The following ARFGEF1 variants were observed in gnomAD, a reference collection of about 807,000 sequenced individuals.
ARFGEF1 encodes brefeldin A-inhibited guanine nucleotide-exchange protein 1.
In ARFGEF1, 42 loss-of-function variants were observed where a neutral mutation model predicts 231.0. The ratio of observed to expected loss-of-function variants is 0.18; its 90% CI spans 0.14 to 0.24. The LOEUF is 0.24. Among genes scored for constraint, ARFGEF1 ranks in the 10% least tolerant of loss-of-function variants. The pLI is 1.00. For missense variants in ARFGEF1, 1,345 were observed against 2,192.0 expected, an observed-to-expected ratio of 0.61 and a Z score of 7.72; for synonymous variants, 710 against 732.3, an observed-to-expected ratio of 0.97 and a Z score of 0.49.
chr8:67,301,121 G>A, intron 3 of ARFGEF1, 103 bp downstream of exon 3: 3 of 1,108,824 alleles, frequency 2.7e-6, no homozygotes, highest in East Asian at 5.2e-5. Flanking sequence ...ACAAAAAAGA[G>A]TATTCAAAGC....
At chr8:67,238,979 C>A in intron 20 of ARFGEF1, 86 bp from the exon 21 acceptor site, 4 of 987,122 alleles carry the variant, frequency 4.1e-6, no homozygotes, top group Non-Finnish European at 5.6e-6. Flanking sequence ...TTTACTTGTT[C>A]AGTAAGATTT....
chr8:67,340,017 C>CAA (rs148178244), intron 1 of ARFGEF1, among the ~76,000 whole-genome samples: 2 of 142,202 alleles, frequency 1.4e-5, no homozygotes, highest in East Asian at 4.1e-4. Flanking sequence ...TACTTTTTGA[C>CAA]AAAAAAAAAA....
At chr8:67,281,857 T>C (rs72654959) in intron 7 of ARFGEF1, among the ~76,000 whole-genome samples, 10,823 of 152,088 alleles carry the variant, frequency 0.071, 518 homozygotes, top group Non-Finnish European at 0.097. Context: ...AGAAATAATT[T>C]AACAAAAAAT....
intron 1 of ARFGEF1, among the ~76,000 whole-genome samples, chr8:67,311,273 T>A: frequency 9.4e-6 from 1 of 106,632 alleles, no homozygotes; most frequent in African/African-American, 3.6e-5. Flanking sequence ...AGCCGCCCCG[T>A]CCGGGAGGGA....
At chr8:67,274,237 T>C (rs1435985724) in intron 9 of ARFGEF1, among the ~76,000 whole-genome samples, 2 of 150,842 alleles carry the variant, frequency 1.3e-5, no homozygotes, top group African/African-American at 4.9e-5. Flanking sequence ...ATTTCCTGGA[T>C]CATCATTTTA....
intron 6 of ARFGEF1, among the ~76,000 whole-genome samples, chr8:67,291,368 T>C (rs1016596400): frequency 3.3e-5 from 5 of 151,934 alleles, no homozygotes; most frequent in Non-Finnish European, 5.9e-5. Context: ...AAAATGAAAA[T>C]TTCTATCAGT....
At chr8:67,190,551 T>C (rs1358528208) in intron 5 of ARFGEF1, 8 of 846,808 alleles carry the variant, frequency 9.4e-6, no homozygotes, top group Non-Finnish European at 1.6e-5. Context: ...TTTCATGGTA[T>C]TGTAAGCAAA....
chr8:67,175,275 A>G (rs556839762), downstream of ARFGEF1: 1 of 1,578,698 alleles, frequency 6.3e-7, no homozygotes, highest in South Asian at 1.1e-5. Flanking sequence ...ACTTAGTTAT[A>G]TAACATATTT....
chr8:67,199,965 C>A, intron 38 of ARFGEF1: 1 of 276,638 alleles, frequency 3.6e-6, no homozygotes, highest in South Asian at 4.0e-5. Context: ...TCTGGGTTAC[C>A]TGGAACCACT....
chr8:67,213,993 TA>T (rs1161711298), intron 33 of ARFGEF1, among the ~76,000 whole-genome samples: 1 of 152,208 alleles, frequency 6.6e-6, no homozygotes, highest in Non-Finnish European at 1.5e-5. Flanking sequence ...CCTAAAAATG[TA>T]GAAGTGGCTT....
At chr8:67,201,670 C>A in intron 36 of ARFGEF1, 65 bp from the exon 37 acceptor site, 2 of 1,591,292 alleles carry the variant, frequency 1.3e-6, no homozygotes, top group South Asian at 1.1e-5. Flanking sequence ...TGAAACAGCC[C>A]GTATGGAGGC....
intron 22 of ARFGEF1, among the ~76,000 whole-genome samples, chr8:67,234,875 C>T (rs1361139015): frequency 5.3e-5 from 8 of 151,808 alleles, no homozygotes. Flanking sequence ...GTAAGTGACA[C>T]AGTATTGGGG....
chr8:67,184,372 T>G (rs1269309746), intron 5 of ARFGEF1, among the ~76,000 whole-genome samples: 2 of 152,190 alleles, frequency 1.3e-5, no homozygotes, highest in African/African-American at 2.4e-5. Context: ...AACCAAGAGT[T>G]ATTTCTGAGA....
chr8:67,244,011 G>A (rs796798297), intron 19 of ARFGEF1, among the ~76,000 whole-genome samples: 12 of 151,970 alleles, frequency 7.9e-5, no homozygotes, highest in African/African-American at 2.9e-4. Flanking sequence ...AGGCCGAGGT[G>A]GGTGGATCAT....
At chr8:67,201,830 G>C (rs1453145339) in intron 36 of ARFGEF1, 1 of 502,364 alleles carries the variant, frequency 2.0e-6, no homozygotes, top group Non-Finnish European at 3.4e-6. Flanking sequence ...TGGGAAGGTG[G>C]AACCCTTCAC....
intron 7 of ARFGEF1, among the ~76,000 whole-genome samples, chr8:67,287,344 T>A (rs1472967548): frequency 6.6e-6 from 1 of 152,202 alleles, no homozygotes; most frequent in East Asian, 1.9e-4. Flanking sequence ...ACAAGTTGAA[T>A]TAAGAGAATC....
chr8:67,245,544 T>TTA (rs2128881685), intron 19 of ARFGEF1, among the ~76,000 whole-genome samples: 1 of 150,386 alleles, frequency 6.6e-6, no homozygotes, highest in South Asian at 2.1e-4. Flanking sequence ...AAATAATGGG[T>TTA]TATAAGATAG....
intron 1 of ARFGEF1, among the ~76,000 whole-genome samples, chr8:67,324,381 T>C (rs1807734009): frequency 1.3e-5 from 2 of 152,200 alleles, no homozygotes; most frequent in Admixed American, 1.3e-4. Flanking sequence ...CATACTGAAC[T>C]CCCTGCAGTT....
chr8:67,227,043 C>T, intron 27 of ARFGEF1, 94 bp downstream of exon 27: 1 of 1,170,766 alleles, frequency 8.5e-7, no homozygotes, highest in Non-Finnish European at 1.2e-6. Context: ...AACTTAAAGG[C>T]CATAATCTTA....
Sources: gnomAD v4.1 joint callset for allele counts (sites outside exome capture counted in the v4.1 genomes callset) on GRCh38, gnomAD v4.1.1 for gene constraint, MANE v1.5 for transcripts, NCBI Gene and HGNC (gene_info 2026-07-23, HGNC 2026-07-21) for gene names.